The following VSNL1 variants were observed in gnomAD, a reference collection of about 807,000 sequenced individuals.
The protein encoded by VSNL1 is visinin-like protein 1.
VSNL1 carries 6 observed loss-of-function variants against 20.4 expected under a neutral mutation model. That is an observed-to-expected ratio of 0.29 (90% CI 0.16 to 0.58). The LOEUF is 0.58. Among genes scored for constraint, VSNL1 ranks in the 20% least tolerant of loss-of-function variants. The pLI is 0.90. For missense variants in VSNL1, 100 were observed against 234.5 expected (o/e 0.43, Z 3.75); for synonymous variants, 93 against 86.4 (o/e 1.08, Z -0.42).
At chr2:17,637,677 T>C (rs1048628895) in intron 2 of VSNL1, among the ~76,000 whole-genome samples, 4 of 152,228 alleles carry the variant, frequency 2.6e-5, no homozygotes, top group Non-Finnish European at 5.9e-5. Flanking sequence ...GAGTGTGCGC[T>C]ATGCAAACCC....
chr2:17,582,014 G>A (rs990217527), intron 1 of VSNL1, among the ~76,000 whole-genome samples: 5 of 152,144 alleles, frequency 3.3e-5, no homozygotes, highest in East Asian at 1.9e-4. Flanking sequence ...AGAAGTAGCC[G>A]TACAGTGAAG....
chr2:17,586,446 C>T (rs546503073), intron 1 of VSNL1, among the ~76,000 whole-genome samples: 7 of 152,128 alleles, frequency 4.6e-5, no homozygotes, highest in African/African-American at 9.7e-5. Context: ...ACCTGGGGAC[C>T]GGTGACAGGT....
intron 2 of VSNL1, among the ~76,000 whole-genome samples, chr2:17,627,819 C>A (rs1343019295): frequency 6.6e-6 from 1 of 152,218 alleles, no homozygotes; most frequent in Non-Finnish European, 1.5e-5. Flanking sequence ...CAAATTCCAG[C>A]CCCTCTCATC....
intron 3 of VSNL1, among the ~76,000 whole-genome samples, chr2:17,650,516 T>C (rs1666100875): frequency 2.0e-5 from 3 of 152,230 alleles, no homozygotes; most frequent in Non-Finnish European, 2.9e-5. Context: ...TTTGATTGAC[T>C]GTCTTAGCAT....
chr2:17,574,566 T>C (rs796468441), intron 1 of VSNL1, among the ~76,000 whole-genome samples: 9 of 152,332 alleles, frequency 5.9e-5, no homozygotes, highest in African/African-American at 2.2e-4. Flanking sequence ...ATACAGTCCA[T>C]AGAATTTTAC....
intron 1 of VSNL1, among the ~76,000 whole-genome samples, chr2:17,543,621 G>T (rs1027616861): frequency 2.0e-5 from 3 of 152,374 alleles, no homozygotes; most frequent in African/African-American, 7.2e-5. Flanking sequence ...AAAGACCGAA[G>T]AAGGCTTGAC....
At chr2:17,632,912 G>A (rs1665669016) in intron 2 of VSNL1, among the ~76,000 whole-genome samples, 2 of 152,196 alleles carry the variant, frequency 1.3e-5, no homozygotes, top group Non-Finnish European at 1.5e-5. Context: ...CTAGCCCTTT[G>A]GGAAGCCAAG....
chr2:17,571,156 A>C (rs1336864556), intron 1 of VSNL1, among the ~76,000 whole-genome samples: 1 of 152,196 alleles, frequency 6.6e-6, no homozygotes, highest in African/African-American at 2.4e-5. Context: ...TGATCTAAAA[A>C]TATGCAAAAT....
chr2:17,644,753 C>G (rs1436384430), intron 2 of VSNL1, among the ~76,000 whole-genome samples: 1 of 152,210 alleles, frequency 6.6e-6, no homozygotes, highest in Non-Finnish European at 1.5e-5. Context: ...ACGAGACACA[C>G]TCATGAAACA....
At chr2:17,576,585 G>T (rs1225390314) in intron 1 of VSNL1, among the ~76,000 whole-genome samples, 1 of 152,154 alleles carries the variant, frequency 6.6e-6, no homozygotes, top group Non-Finnish European at 1.5e-5. Context: ...TGCTCAGCCT[G>T]CCAGCATAAT....
intron 1 of VSNL1, among the ~76,000 whole-genome samples, chr2:17,542,957 C>T (rs1459970999): frequency 2.6e-5 from 4 of 152,188 alleles, no homozygotes; most frequent in African/African-American, 9.7e-5. Flanking sequence ...ATGGAATAAA[C>T]AATTAAAAAG....
chr2:17,649,777 G>A lies in VSNL1; in HGVS notation c.378+152G>A. ...GACTTCTCCTGCTTCTGTCCCCGCTGCAGCACAGTGCTGGGGAGGTCCCAG... is the reference window on the plus strand; with the variant it reads ...GACTTCTCCTGCTTCTGTCCCCGCTACAGCACAGTGCTGGGGAGGTCCCAG... On this transcript the variant is annotated intron_variant, in intron 3 of 3. Coordinates refer to ENST00000295156, the MANE Select transcript of VSNL1 (RefSeq NM_003385.5). This position sits in a 1 kb window ranked among gnomAD's most constrained non-coding sequence, Gnocchi z 6.4. 1 of 766,520 alleles carries A rather than the reference G, an allele frequency of 1.3e-6. No individual in the cohort carries two copies. The highest frequency in any genetic ancestry group is 2.1e-6 in the Non-Finnish European group (1 of 476,030). 47.5% of individuals were successfully genotyped at this position (766,520 alleles called of 1,614,324 possible).
intron 2 of VSNL1, among the ~76,000 whole-genome samples, chr2:17,629,640 T>C (rs780518786): frequency 1.6e-4 from 25 of 152,332 alleles, no homozygotes; most frequent in Non-Finnish European, 3.4e-4. Flanking sequence ...TGGCCAGCAA[T>C]ACCCCCTGCC....
At chr2:17,605,303 G>C (rs188827621) in intron 2 of VSNL1, among the ~76,000 whole-genome samples, 1 of 152,322 alleles carries the variant, frequency 6.6e-6, no homozygotes, top group Non-Finnish European at 1.5e-5. Context: ...CCCCTTGGTG[G>C]TATGGAAACT....
intron 1 of VSNL1, among the ~76,000 whole-genome samples, chr2:17,549,669 G>C (rs1172716903): frequency 1.3e-5 from 2 of 152,054 alleles, no homozygotes; most frequent in African/African-American, 4.8e-5. Context: ...CACTTCTTTG[G>C]GGAAAAATGC....
At chr2:17,559,741 T>G (rs1663769962) in intron 1 of VSNL1, among the ~76,000 whole-genome samples, 1 of 152,184 alleles carries the variant, frequency 6.6e-6, no homozygotes, top group Non-Finnish European at 1.5e-5. Context: ...GAGCCAGTTT[T>G]CTCAGGAGTA....
At chr2:17,582,519 A>G (rs570311495) in intron 1 of VSNL1, among the ~76,000 whole-genome samples, 1 of 152,164 alleles carries the variant, frequency 6.6e-6, no homozygotes, top group Non-Finnish European at 1.5e-5. Context: ...GTGGCAACAG[A>G]GAAAAGTAGA....
At chr2:17,613,282 G>A (rs991279407) in intron 2 of VSNL1, among the ~76,000 whole-genome samples, 1 of 152,198 alleles carries the variant, frequency 6.6e-6, no homozygotes, top group African/African-American at 2.4e-5. Context: ...CAAGTGCATG[G>A]AAAATACTAA....
chr2:17,608,115 A>G (rs922770916), intron 2 of VSNL1, among the ~76,000 whole-genome samples: 10 of 152,232 alleles, frequency 6.6e-5, no homozygotes, highest in African/African-American at 2.4e-4. Context: ...TGATGACTTG[A>G]AATTAGGCTG....
Sources: gnomAD v4.1 joint callset for allele counts (sites outside exome capture counted in the v4.1 genomes callset) on GRCh38, gnomAD v4.1.1 for gene constraint, Gnocchi (gnomAD v3.1) non-coding constraint, MANE v1.5 for transcripts, NCBI Gene and HGNC (gene_info 2026-07-23, HGNC 2026-07-21) for gene names.